TENM3: variants seen among roughly 807,000 people sequenced by gnomAD.
TENM3 encodes the protein teneurin transmembrane protein 3.
TENM3 carries 63 observed loss-of-function variants against 255.1 expected under a neutral mutation model. That is an observed-to-expected ratio of 0.25 (90% CI 0.20 to 0.30). TENM3 has a LOEUF of 0.30. TENM3 is among the 10% of genes least tolerant of loss of function. The probability of loss-of-function intolerance (pLI) is 1.00; values close to 1 mark genes in which losing one functional copy is unlikely to be tolerated. For missense variants in TENM3, 2,929 were observed against 3,461.1 expected, an observed-to-expected ratio of 0.85 and a Z score of 3.86; for synonymous variants, 1,306 against 1,322.3, an observed-to-expected ratio of 0.99 and a Z score of 0.27.
chr4:182,491,823 A>T (rs1735330715), intron 3 of TENM3, among the ~76,000 whole-genome samples: 1 of 152,180 alleles, frequency 6.6e-6, no homozygotes, highest in Non-Finnish European at 1.5e-5. Flanking sequence ...TGCCATGGAC[A>T]TTGGTGTAAA....
chr4:181,793,688 G>T, the TENM3 span, among the ~76,000 whole-genome samples: 1 of 152,246 alleles, frequency 6.6e-6, no homozygotes, highest in South Asian at 2.1e-4. Context: ...TCAAGAGTTT[G>T]AAATTTAAAT....
chr4:182,474,936 G>T (rs141637392), intron 3 of TENM3, among the ~76,000 whole-genome samples: 33 of 152,238 alleles, frequency 2.2e-4, no homozygotes, highest in Non-Finnish European at 4.4e-4. Context: ...ATGGTTGCAA[G>T]TCACATTGTC....
At chr4:181,464,283 T>C in the TENM3 span, among the ~76,000 whole-genome samples, 3 of 152,232 alleles carry the variant, frequency 2.0e-5, no homozygotes, top group African/African-American at 7.2e-5. Flanking sequence ...ATACAGGGGT[T>C]CCAATGTCTT....
At chr4:182,222,063 A>C (rs1665815608) in intron 1 of TENM3, among the ~76,000 whole-genome samples, 1 of 152,206 alleles carries the variant, frequency 6.6e-6, no homozygotes, top group Non-Finnish European at 1.5e-5. Context: ...ATCAACCTCC[A>C]TCAGCGATTC....
At chr4:182,619,193 C>T (rs113493990) in intron 4 of TENM3, among the ~76,000 whole-genome samples, 68 of 151,770 alleles carry the variant, frequency 4.5e-4, no homozygotes, top group African/African-American at 1.4e-3. Flanking sequence ...TTTGGGAGGC[C>T]GAGGCAAGCG....
At chr4:182,717,537 C>T (rs1759305367) in intron 13 of TENM3, among the ~76,000 whole-genome samples, 1 of 152,190 alleles carries the variant, frequency 6.6e-6, no homozygotes, top group Non-Finnish European at 1.5e-5. Flanking sequence ...ATCTGCTTCT[C>T]AAATCCAGCT....
intron 3 of TENM3, among the ~76,000 whole-genome samples, chr4:182,401,568 T>A (rs1051847538): frequency 1.3e-5 from 2 of 152,224 alleles, no homozygotes; most frequent in African/African-American, 4.8e-5. Flanking sequence ...TCATTTCCAC[T>A]GAGACCATTC....
chr4:182,361,318 C>T (rs1325360189), intron 3 of TENM3, among the ~76,000 whole-genome samples: 1 of 152,158 alleles, frequency 6.6e-6, no homozygotes, highest in Non-Finnish European at 1.5e-5. Flanking sequence ...AGAGTGTTTT[C>T]CAACTTGGTT....
At chr4:182,298,789 A>G (rs1316387729) in intron 1 of TENM3, among the ~76,000 whole-genome samples, 1 of 151,744 alleles carries the variant, frequency 6.6e-6, no homozygotes, top group African/African-American at 2.4e-5. Context: ...CCTGGCCAAT[A>G]TGGTGAAACC....
intron 1 of TENM3, among the ~76,000 whole-genome samples, chr4:182,287,491 G>A (rs533452890): frequency 2.0e-5 from 3 of 152,214 alleles, no homozygotes; most frequent in South Asian, 4.1e-4. Flanking sequence ...TCCGTTTGTC[G>A]GTTCAAACAT....
At chr4:182,765,705 T>A (rs1258818237) in intron 22 of TENM3, among the ~76,000 whole-genome samples, 4 of 152,188 alleles carry the variant, frequency 2.6e-5, no homozygotes. Context: ...ATTGTGTCGC[T>A]TACTCCTAAC....
chr4:182,651,999 G>A lies in TENM3; in HGVS notation c.989-1772G>A, dbSNP rs114229751. Among the ~76,000 whole-genome samples the A allele has an allele frequency of 6.7e-3, 1,014 of 152,194 alleles. 17 individuals are homozygous for A. Among genetic ancestry groups the A allele is most frequent in the African/African-American group, 0.022 (933 of 41,516 alleles). On this transcript the variant is annotated intron_variant, in intron 5 of 27. Transcript: ENST00000511685. Reference sequence around the variant, plus strand: ...ATTATAGTAAAGCAGTCATTCATCCGTTACTAACATGTTCTCCTCTCTTAG... The same window carrying A: ...ATTATAGTAAAGCAGTCATTCATCCATTACTAACATGTTCTCCTCTCTTAG...
intron 5 of TENM3, among the ~76,000 whole-genome samples, chr4:182,636,760 A>G (rs976435079): frequency 3.9e-5 from 6 of 152,028 alleles, no homozygotes; most frequent in Non-Finnish European, 8.8e-5. Context: ...ATACACTTAA[A>G]CAGATTGTGT....
the TENM3 span, among the ~76,000 whole-genome samples, chr4:182,118,176 GT>G: frequency 2.3e-3 from 349 of 151,960 alleles, 1 homozygote; most frequent in African/African-American, 7.9e-3. Flanking sequence ...ATTCCAGGAG[GT>G]TTTTTTGTCA....
intron 12 of TENM3, among the ~76,000 whole-genome samples, chr4:182,702,475 C>T (rs1757949241): frequency 2.0e-5 from 3 of 152,158 alleles, no homozygotes; most frequent in Non-Finnish European, 4.4e-5. Context: ...TACCAGCTCC[C>T]TCATGAGTTT....
the TENM3 span, among the ~76,000 whole-genome samples, chr4:181,557,722 G>C: frequency 6.6e-6 from 1 of 151,940 alleles, no homozygotes; most frequent in Admixed American, 6.6e-5. Flanking sequence ...GTAGAGACAG[G>C]GTTTTGCCAT....
intron 3 of TENM3, among the ~76,000 whole-genome samples, chr4:182,448,652 G>A (rs1329141497): frequency 1.3e-5 from 2 of 152,086 alleles, no homozygotes; most frequent in African/African-American, 4.8e-5. Flanking sequence ...GCCGCTGCCC[G>A]GGGCGGCTCG....
chr4:181,633,135 C>T, the TENM3 span, among the ~76,000 whole-genome samples: 5 of 152,274 alleles, frequency 3.3e-5, no homozygotes, highest in South Asian at 2.1e-4. Context: ...TAATCTCATA[C>T]GGTTGTTGAG....
chr4:182,221,802 G>T (rs767297162), intron 1 of TENM3, among the ~76,000 whole-genome samples: 1 of 152,070 alleles, frequency 6.6e-6, no homozygotes, highest in Non-Finnish European at 1.5e-5. Flanking sequence ...CATTTTCAGC[G>T]TATCATCAGT....
Sources: gnomAD v4.1 joint callset for allele counts (sites outside exome capture counted in the v4.1 genomes callset) on GRCh38, gnomAD v4.1.1 for gene constraint, MANE v1.5 for transcripts, NCBI Gene and HGNC (gene_info 2026-07-23, HGNC 2026-07-21) for gene names.